PARP6: variants seen among roughly 807,000 people sequenced by gnomAD.
The protein encoded by PARP6 is poly(ADP-ribose) polymerase family member 6, also known as protein mono-ADP-ribosyltransferase PARP6.
A neutral mutation model predicts 92.0 loss-of-function variants in PARP6; 27 were observed. The ratio of observed to expected loss-of-function variants is 0.29; its 90% CI spans 0.22 to 0.40. PARP6 has a LOEUF of 0.40. Among genes scored for constraint, PARP6 ranks in the 10% least tolerant of loss-of-function variants. The pLI, the probability that PARP6 is intolerant of heterozygous loss-of-function variation, is 1.00. For synonymous variants in PARP6, 272 were observed against 281.2 expected (o/e 0.97, Z 0.33); for missense variants, 501 against 784.5 (o/e 0.64, Z 4.32).
chr15:72,267,532 A>C lies in PARP6; in HGVS notation c.-55T>G. 6.2e-7 allele frequency: 1 copy of C among 1,609,260 alleles called. No homozygotes were observed. The highest frequency in any genetic ancestry group is 8.5e-7 in the Non-Finnish European group (1 of 1,175,790). ...TCAGTGCTAGGCAGCACCCCTCCAT[A>C]CCACTAGCCGAACCAAGGCCAACGA... On this transcript the variant is annotated 5_prime_UTR_variant, in exon 3 of 24. Coordinates refer to ENST00000569795, the MANE Select transcript of PARP6 (RefSeq NM_001323532.2).
Position 72,257,400 on chromosome 15 carries a change from TAGA to T in PARP6, c.944_946del (p.Phe315del), listed in dbSNP as rs1207514458. The T allele has an allele frequency of 6.2e-7, 1 of 1,613,942 alleles. No homozygotes were observed. Among genetic ancestry groups the T allele is most frequent in the Non-Finnish European group, 8.5e-7 (1 of 1,179,978 alleles). The stretch of plus-strand genomic sequence containing the variant: ...AGCTCCAGACATGACGCCCAGTGTG[TAGA>T]AGGAGAAAACGCATAGTTCACGAGT... On this transcript the variant is annotated inframe_deletion, in exon 13 of 24. Transcript: ENST00000569795.
In PARP6 at chr15:72,254,531, T is replaced by A; in HGVS notation, c.1126-11A>T. Reference sequence around the variant, plus strand: ...CTCATAATTCTTCTTCTGTGGAGAATCAATGGGAAGAGAAGAACCAAATAA... The same window carrying A: ...CTCATAATTCTTCTTCTGTGGAGAAACAATGGGAAGAGAAGAACCAAATAA... On this transcript the variant is annotated splice_polypyrimidine_tract_variant and intron_variant, in intron 14 of 23. Coordinates refer to ENST00000569795, the MANE Select transcript of PARP6 (RefSeq NM_001323532.2). 1 of 1,605,926 alleles carries A rather than the reference T, an allele frequency of 6.2e-7. No homozygotes were observed. The highest frequency in any genetic ancestry group is 1.7e-4 in the Middle Eastern group (1 of 6,048).
chr15:72,250,984 A>G (rs771353642), intron 17 of PARP6, 30 bp from the exon 18 acceptor site: 4 of 1,516,320 alleles, frequency 2.6e-6, no homozygotes, highest in Non-Finnish European at 3.6e-6. Context: ...TGGAATCAGG[A>G]AAACAGAGCA....
chr15:72,241,855 C>A lies in PARP6; in HGVS notation c.1790+46G>T, dbSNP rs771675237. 1 of 1,384,914 alleles carries A rather than the reference C, an allele frequency of 7.2e-7. No individual in the cohort carries two copies. The highest frequency in any genetic ancestry group is 2.3e-5 in the East Asian group (1 of 43,796). The allele number at this position is 1,384,914 out of a possible 1,614,324, so 85.8% of individuals were successfully genotyped here. On this transcript the variant is annotated intron_variant, in intron 23 of 23. Coordinates refer to ENST00000569795, the MANE Select transcript of PARP6 (RefSeq NM_001323532.2). This position sits in a 1 kb window ranked among gnomAD's most constrained non-coding sequence, Gnocchi z 4.1. The stretch of plus-strand genomic sequence containing the variant: ...CCAGTAGCCACACACCATCACACCC[C>A]CAACCTCACTCCTCGAGTAATCCCC...
At chr15:72,248,074 T>C (rs758540633) in intron 20 of PARP6, among the ~76,000 whole-genome samples, 58 of 152,338 alleles carry the variant, frequency 3.8e-4, no homozygotes, top group Non-Finnish European at 7.6e-4. Flanking sequence ...CCCCGCCTTA[T>C]TACCTTTTTA....
chr15:72,258,459 TA>T (rs1217401619), intron 11 of PARP6, among the ~76,000 whole-genome samples: 1 of 152,184 alleles, frequency 6.6e-6, no homozygotes, highest in Non-Finnish European at 1.5e-5. Context: ...ATTCACCTCA[TA>T]GGGGTATTGC....
At position 72,267,060 on chromosome 15, in the gene PARP6, T is replaced by C. The variant is rs117962322; in HGVS notation, c.4-238A>G. ...ACAGAGGAAAACATCTAGGGAATTT[T>C]GGCCTTCTGAAGTCTCAGTATGATG... On this transcript the variant is annotated intron_variant, in intron 3 of 23. Coordinates refer to ENST00000569795, the MANE Select transcript of PARP6 (RefSeq NM_001323532.2). 1.0e-3 allele frequency: 553 copies of C among 527,456 alleles called. 7 individuals are homozygous for C. The East Asian group carries it at 0.015, about 14-fold the overall frequency. The allele number at this position is 527,456 out of a possible 1,614,324, so 32.7% of individuals were successfully genotyped here.
chr15:72,247,595 A>C (rs1165237863), intron 20 of PARP6, among the ~76,000 whole-genome samples: 1 of 152,182 alleles, frequency 6.6e-6, no homozygotes, highest in African/African-American at 2.4e-5. Flanking sequence ...GTTTAAGATT[A>C]ATTTGTAAAA....
intron 14 of PARP6, among the ~76,000 whole-genome samples, chr15:72,255,089 C>T (rs1021147179): frequency 8.6e-5 from 13 of 151,686 alleles, no homozygotes; most frequent in Middle Eastern, 3.4e-3. Context: ...TGCCCCACCC[C>T]GCCATGAGTT....
chr15:72,250,110 A>G lies in PARP6; in HGVS notation c.1419-18T>C. 6.5e-7 allele frequency: 1 copy of G among 1,535,114 alleles called. No individual in the cohort carries two copies. The highest frequency in any genetic ancestry group is 9.0e-7 in the Non-Finnish European group (1 of 1,108,066). On this transcript the variant is annotated intron_variant, in intron 18 of 23. Transcript: ENST00000569795. The stretch of plus-strand genomic sequence containing the variant: ...GGGACCCACTGTAAGGCAGGGTAGA[A>G]TACATGTCTCCTTATGATATGAGGT...
intron 20 of PARP6, among the ~76,000 whole-genome samples, chr15:72,248,162 C>T (rs1281884776): frequency 6.6e-6 from 1 of 152,030 alleles, no homozygotes; most frequent in Non-Finnish European, 1.5e-5. Context: ...CTTAATCTAA[C>T]CAGGGTTTAT....
chr15:72,258,536 A>G (rs1037153875), intron 11 of PARP6, among the ~76,000 whole-genome samples: 1 of 152,222 alleles, frequency 6.6e-6, no homozygotes, highest in African/African-American at 2.4e-5. Flanking sequence ...CAAACTATTA[A>G]AAGTACTTGT....
At chr15:72,266,131 G>C in intron 4 of PARP6, 140 bp from the exon 5 acceptor site, 2 of 670,482 alleles carry the variant, frequency 3.0e-6, no homozygotes, top group Admixed American at 2.2e-5. Context: ...CCACTTATGT[G>C]AAGGGGTTCT....
intron 8 of PARP6, among the ~76,000 whole-genome samples, chr15:72,263,015 T>C (rs1021342236): frequency 2.6e-5 from 4 of 152,216 alleles, no homozygotes; most frequent in Admixed American, 2.0e-4. Flanking sequence ...CAAATTGACA[T>C]ATACTCTGGT....
chr15:72,243,913 G>A (rs969017314), intron 20 of PARP6: 4 of 152,182 alleles, frequency 2.6e-5, no homozygotes, highest in Admixed American at 1.3e-4. Context: ...CATAGCCATG[G>A]TGTAGAAATA....
chr15:72,248,492 G>C (rs530834088), intron 20 of PARP6, among the ~76,000 whole-genome samples: 2 of 152,066 alleles, frequency 1.3e-5, no homozygotes, highest in East Asian at 1.9e-4. Context: ...TCTGATCTTT[G>C]TAACAGTTAC....
At chr15:72,246,838 T>G (rs1475946515) in intron 20 of PARP6, among the ~76,000 whole-genome samples, 1 of 151,878 alleles carries the variant, frequency 6.6e-6, no homozygotes, top group African/African-American at 2.4e-5. Context: ...CACTGCAACC[T>G]CCGCCTCCCA....
rs374138109 is a variant in PARP6 at position 72,266,190 on chromosome 15, T to C, written c.82-199A>G. On this transcript the variant is annotated intron_variant, in intron 4 of 23. Transcript: ENST00000569795. ...TTCATTAACAGAGGTCTCCATCTCA[T>C]CATGACTTTAAAAAGGTTCAGCAGA... 4.6e-5 allele frequency among the ~76,000 whole-genome samples: 7 copies of C among 152,278 alleles called. No homozygotes were observed. The South Asian group carries it at 1.5e-3, about 32-fold the overall frequency.
intron 8 of PARP6, among the ~76,000 whole-genome samples, chr15:72,263,527 T>C (rs1314762994): frequency 6.6e-6 from 1 of 152,204 alleles, no homozygotes; most frequent in East Asian, 1.9e-4. Context: ...GCCTAAAGGA[T>C]AAAAGTCCAA....
Sources: allele counts gnomAD v4.1 joint callset (sites outside exome capture counted in the v4.1 genomes callset), GRCh38; gene constraint gnomAD v4.1.1; non-coding constraint Gnocchi (gnomAD v3.1); transcripts MANE v1.5; gene names NCBI Gene and HGNC (gene_info 2026-07-23, HGNC 2026-07-21).